ROBO3: variants seen among roughly 807,000 people sequenced by gnomAD.
ROBO3 encodes roundabout guidance receptor 3, also known as roundabout homolog 3.
ROBO3 carries 97 observed loss-of-function variants against 160.5 expected under a neutral mutation model. The ratio of observed to expected loss-of-function variants is 0.60; its 90% confidence interval spans 0.51 to 0.72. The LOEUF (loss-of-function observed/expected upper bound fraction) is 0.72, where lower values mean the gene tolerates loss of function less well. Ranked by LOEUF, ROBO3 falls within the 30% of genes least tolerant of loss-of-function variation. ROBO3 has a pLI of 0.00. For missense variants in ROBO3, 1,858 were observed against 1,846.5 expected, an observed-to-expected ratio of 1.01 and a Z score of -0.11; for synonymous variants, 780 against 746.2, an observed-to-expected ratio of 1.05 and a Z score of -0.74.
At chr11:124,868,702 TA>T in intron 1 of ROBO3, 99 bp from the exon 2 acceptor site, 1 of 1,205,368 alleles carries the variant, frequency 8.3e-7, no homozygotes. Flanking sequence ...CAGAGAAGCA[TA>T]GGAGATGGAA....
chr11:124,872,271 T>G lies in ROBO3; in HGVS notation c.1159-110T>G. ...TCACATCACTGCTGGAGACAGACGA[T>G]GAACTAGAATCATAGGAATTCTCTG... On this transcript the variant is annotated intron_variant, in intron 7 of 27. Transcript: ENST00000397801. The surrounding 1 kb of genome is among the most constrained non-coding windows in gnomAD (Gnocchi z 4.3). 1 of 1,019,008 alleles carries G rather than the reference T, an allele frequency of 9.8e-7. No individual in the cohort carries two copies. The highest frequency in any genetic ancestry group is 1.5e-6 in the Non-Finnish European group (1 of 646,264). The allele number at this position is 1,019,008 out of a possible 1,614,324, so 63.1% of individuals were successfully genotyped here.
Position 124,865,481 on chromosome 11 carries a change from C to A in ROBO3, c.-97C>A. 4 of 1,294,726 alleles carry A rather than the reference C, an allele frequency of 3.1e-6. No individual in the cohort carries two copies. The highest frequency in any genetic ancestry group is 4.2e-6 in the Non-Finnish European group (4 of 941,626). The allele number at this position is 1,294,726 out of a possible 1,614,324, so 80.2% of individuals were successfully genotyped here. On this transcript the variant is annotated 5_prime_UTR_variant, in exon 1 of 28. Coordinates refer to ENST00000397801, the MANE Select transcript of ROBO3 (RefSeq NM_022370.4). The surrounding 1 kb of genome is among the most constrained non-coding windows in gnomAD (Gnocchi z 5.5). ...GCGGCACCGTGGCTGCCGCAGCGCG[C>A]AGAGGCTGTGGAGGGGCTTACGGCT...
Position 124,869,646 on chromosome 11 carries a change from G to T in ROBO3, c.645+39G>T. On this transcript the variant is annotated intron_variant, in intron 3 of 27. Coordinates refer to ENST00000397801, the MANE Select transcript of ROBO3 (RefSeq NM_022370.4). The surrounding 1 kb of genome is among the most constrained non-coding windows in gnomAD (Gnocchi z 4.2). ...TATGATTGGAGACCCCAACAAGGGA[G>T]GGGACATAGGGTAGGGAGGTGACAA... is the stretch of plus-strand genomic sequence containing the variant. 1 of 1,521,806 alleles carries T rather than the reference G, an allele frequency of 6.6e-7. No homozygotes were observed. Among genetic ancestry groups the T allele is most frequent in the East Asian group, 2.4e-5 (1 of 41,574 alleles). The allele number at this position is 1,521,806 out of a possible 1,614,324, so 94.3% of individuals were successfully genotyped here.
Position 124,869,726 on chromosome 11 carries a change from CAG to C in ROBO3, c.645+120_645+121del. ...AACCAGAGACTAAGAGTCAGCTATA[CAG>C]TGAGGGATAAGGAAGACGGAATTGG... On this transcript the variant is annotated intron_variant, in intron 3 of 27. Transcript: ENST00000397801. The surrounding 1 kb of genome is among the most constrained non-coding windows in gnomAD (Gnocchi z 4.2). 7.7e-7 allele frequency: 1 copy of C among 1,297,080 alleles called. No individual in the cohort carries two copies. The highest frequency in any genetic ancestry group is 1.1e-6 in the Non-Finnish European group (1 of 949,304). 80.3% of individuals were successfully genotyped at this position (1,297,080 alleles called of 1,614,324 possible). A position where few individuals can be genotyped will look rare whatever the true frequency, so the allele number is the denominator to read the frequency against.
At position 124,876,409 on chromosome 11, in the gene ROBO3, G is replaced by C; in HGVS notation, c.2728G>C (p.Ala910Pro). 6.9e-7 allele frequency: 1 copy of C among 1,452,564 alleles called. No individual in the cohort carries two copies. Among genetic ancestry groups the C allele is most frequent in the East Asian group, 2.8e-5 (1 of 35,124 alleles). The allele number at this position is 1,452,564 out of a possible 1,614,324, so 90.0% of individuals were successfully genotyped here. A position where few individuals can be genotyped will look rare whatever the true frequency, so the allele number is the denominator to read the frequency against. The change falls in exon 17 of 28, where the codon GCC (alanine) becomes CCC (proline). Residue 910 changes from alanine (A) to proline (P), a missense_variant. Coordinates refer to ENST00000397801, the MANE Select transcript of ROBO3 (RefSeq NM_022370.4). The surrounding 1 kb of genome is among the most constrained non-coding windows in gnomAD (Gnocchi z 5.3). ...ACGALLLGLC[A>P]ALYWRRKQRK... ...CGGGGCGCTGCTTCTCGGGCTCTGC[G>C]CCGCCCTCTACTGGCGCCGGAAACA...
At chr11:124,867,320 T>C (rs73014380) in intron 1 of ROBO3, among the ~76,000 whole-genome samples, 7,693 of 152,286 alleles carry the variant, frequency 0.051, 243 homozygotes, top group Non-Finnish European at 0.067. Flanking sequence ...ATTATGGTCT[T>C]AGAGCAACCC....
In ROBO3 at chr11:124,876,382, T is replaced by C. The variant is rs2135336319; in HGVS notation, c.2701T>C (p.Cys901Arg). ...CTTCCTCGCGGGCAGCGGCGCAGCC[T>C]GCGGGGCGCTGCTTCTCGGGCTCTG... ...PAFLAGSGAA[C>R]GALLLGLCAA... Residue 901 changes from cysteine to arginine, a missense_variant, in exon 17 of 28, where the codon TGC becomes CGC. Transcript: ENST00000397801. This position sits in a 1 kb window ranked among gnomAD's most constrained non-coding sequence, Gnocchi z 5.3. 1.4e-6 allele frequency: 2 copies of C among 1,445,428 alleles called. No individual in the cohort carries two copies. The highest frequency in any genetic ancestry group is 1.8e-6 in the Non-Finnish European group (2 of 1,106,642). 89.5% of individuals were successfully genotyped at this position (1,445,428 alleles called of 1,614,324 possible).
At chr11:124,867,047 T>C (rs1490416598) in intron 1 of ROBO3, among the ~76,000 whole-genome samples, 1 of 152,102 alleles carries the variant, frequency 6.6e-6, no homozygotes, top group African/African-American at 2.4e-5. Context: ...GACAGACACA[T>C]TTTGCCGCCG....
rs1946289878 is a variant in ROBO3 at position 124,872,446 on chromosome 11, A to T, written c.1224A>T (p.Gln408His). 6.2e-7 allele frequency: 1 copy of T among 1,613,830 alleles called. No individual in the cohort carries two copies. Among genetic ancestry groups the T allele is most frequent in the African/African-American group, 1.3e-5 (1 of 74,916 alleles). The change falls in exon 8 of 28, where the codon CAA (glutamine) becomes CAT (histidine). Residue 408 changes from glutamine (Q) to histidine (H), a missense_variant. Gln to His is a conservative substitution (Grantham distance 24, BLOSUM62 0). Transcript: ENST00000397801. The surrounding 1 kb of genome is among the most constrained non-coding windows in gnomAD (Gnocchi z 4.3). ...TGRFSVSPRG[Q>H]LNITAVQRGD... ...GCTTCTCAGTGTCTCCAAGAGGCCAACTTAACATCACCGCGGTGCAGCGTG... is the reference window on the plus strand; with the variant it reads ...GCTTCTCAGTGTCTCCAAGAGGCCATCTTAACATCACCGCGGTGCAGCGTG...
At chr11:124,870,424 C>A in intron 5 of ROBO3, 121 bp downstream of exon 5, 1 of 1,471,342 alleles carries the variant, frequency 6.8e-7, no homozygotes, top group South Asian at 1.3e-5. Flanking sequence ...TTCCCTAGAG[C>A]CTGTGGCCCC....
At position 124,875,573 on chromosome 11, in the gene ROBO3, G is replaced by GC. The variant is rs764801717; in HGVS notation, c.2315dup (p.Gln773ThrfsTer10). The GC allele has an allele frequency of 1.9e-6, 3 of 1,611,378 alleles. No homozygotes were observed. Among genetic ancestry groups the GC allele is most frequent in the Non-Finnish European group, 2.5e-6 (3 of 1,178,920 alleles). On this transcript the variant is annotated frameshift_variant, in exon 15 of 28. Transcript: ENST00000397801. LOFTEE classifies it high-confidence loss of function. ...CTCCACCCTGGCCCAGCCCCCAGTG[G>GC]CCCCCCACAGGGAGTGGCGGTGGCC...
Position 124,877,423 on chromosome 11 carries a change from C to T in ROBO3, c.2847-96C>T, listed in dbSNP as rs908587897. ...TGGCCACCTCCCACCCCAACACCAC[C>T]GCCACTGTCCTGAAACTCCCGAATA... On this transcript the variant is annotated intron_variant, in intron 19 of 27. Coordinates refer to ENST00000397801, the MANE Select transcript of ROBO3 (RefSeq NM_022370.4). The T allele has an allele frequency of 7.5e-6, 12 of 1,590,146 alleles. No individual in the cohort carries two copies. In the East Asian group the frequency reaches 2.0e-4, roughly 27 times the overall value.
intron 1 of ROBO3, among the ~76,000 whole-genome samples, chr11:124,866,188 C>T (rs533128203): frequency 2.0e-5 from 3 of 152,294 alleles, no homozygotes; most frequent in Admixed American, 1.3e-4. Flanking sequence ...CACTTAGGAC[C>T]AGAGGAAGCC....
At chr11:124,877,703 C>T (rs1217427224) in intron 20 of ROBO3, 45 bp downstream of exon 20, 4 of 1,601,220 alleles carry the variant, frequency 2.5e-6, no homozygotes, top group Non-Finnish European at 3.4e-6. Context: ...GCACTTCTCC[C>T]GACCTACTGG....
intron 12 of ROBO3, 98 bp downstream of exon 12, chr11:124,874,334 T>C: frequency 7.1e-6 from 8 of 1,130,668 alleles, no homozygotes; most frequent in Non-Finnish European, 1.0e-5. Context: ...CATACAGTTC[T>C]TTCCTGCTAT....
rs1270764978 is a variant in ROBO3, at chr11:124,869,270, A to G, written c.487+142A>G. 2.7e-6 allele frequency: 3 copies of G among 1,121,628 alleles called. No individual in the cohort carries two copies. The highest frequency in any genetic ancestry group is 2.6e-6 in the Non-Finnish European group (2 of 762,414). The allele number at this position is 1,121,628 out of a possible 1,614,324, so 69.5% of individuals were successfully genotyped here. On this transcript the variant is annotated intron_variant, in intron 2 of 27. Transcript: ENST00000397801. The surrounding 1 kb of genome is among the most constrained non-coding windows in gnomAD (Gnocchi z 4.2). ...TTTGGGACCGCGACCTTTGATCTCT[A>G]ATGGCCACACCACGGCCAGAGAAGG...
chr11:124,879,373 G>C, intron 24 of ROBO3, 32 bp downstream of exon 24: 2 of 1,605,828 alleles, frequency 1.2e-6, no homozygotes, highest in Non-Finnish European at 1.7e-6. Context: ...TTGCCCCCCG[G>C]CTCCCTCCAG....
In ROBO3 at chr11:124,873,036, G is replaced by A. The variant is rs1946300058; in HGVS notation, c.1483G>A (p.Asp495Asn). The A allele has an allele frequency of 6.2e-7, 1 of 1,613,844 alleles. No individual in the cohort carries two copies. The highest frequency in any genetic ancestry group is 1.7e-5 in the Admixed American group (1 of 59,998). Residue 495 changes from aspartate to asparagine, a missense_variant, in exon 9 of 28, where the codon GAC becomes AAC. Physicochemically the swap from Asp to Asn is conservative, Grantham distance 23 (BLOSUM62 1). Transcript: ENST00000397801. The surrounding 1 kb of genome is among the most constrained non-coding windows in gnomAD (Gnocchi z 4.5). ...GGATGGGCAGTGGCTGCAGGGGGATGACCTCCAGTTCAAGACAATGGCCAA... is the reference window on the plus strand; with the variant it reads ...GGATGGGCAGTGGCTGCAGGGGGATAACCTCCAGTTCAAGACAATGGCCAA... ...KKDGQWLQGDDLQFKTMANGT... is the reference protein window; with the variant it reads ...KKDGQWLQGDNLQFKTMANGT...
In ROBO3 at chr11:124,875,676, G is replaced by C; in HGVS notation, c.2412G>C (p.Thr804=). ...PLPSQQNGVI[T]EYQIWCLGNE... ...CCTCCCAGCAAAATGGGGTCATCAC[G>C]GAATACCAGGTAGAGGGATTGAGGA... Residue 804 remains threonine (T), a synonymous_variant, in exon 15 of 28, where the codon ACG becomes ACC. Coordinates refer to ENST00000397801, the MANE Select transcript of ROBO3 (RefSeq NM_022370.4). 1.2e-6 allele frequency: 2 copies of C among 1,607,244 alleles called. No homozygotes were observed. Among genetic ancestry groups the C allele is most frequent in the East Asian group, 2.2e-5 (1 of 44,816 alleles).
Sources: allele counts gnomAD v4.1 joint callset (sites outside exome capture counted in the v4.1 genomes callset), GRCh38; gene constraint gnomAD v4.1.1; non-coding constraint Gnocchi (gnomAD v3.1); transcripts MANE v1.5; gene names NCBI Gene and HGNC (gene_info 2026-07-23, HGNC 2026-07-21).